The following KCNN2 variants were observed in gnomAD, a reference collection of about 807,000 sequenced individuals.
KCNN2 encodes the protein small conductance calcium-activated potassium channel protein 2.
KCNN2 carries 24 observed loss-of-function variants against 55.5 expected under a neutral mutation model. The ratio of observed to expected loss-of-function variants is 0.43; its 90% confidence interval spans 0.31 to 0.61. KCNN2 has a LOEUF of 0.61. Ranked by LOEUF, KCNN2 falls within the 20% of genes least tolerant of loss-of-function variation. The pLI is 0.08. For missense variants in KCNN2, 754 were observed against 853.6 expected (o/e 0.88, Z 1.45); for synonymous variants, 431 against 336.1 (o/e 1.28, Z -3.09).
At chr5:114,327,045 G>A (rs971467776) in intron 2 of KCNN2, among the ~76,000 whole-genome samples, 4 of 152,186 alleles carry the variant, frequency 2.6e-5, no homozygotes, top group Non-Finnish European at 5.9e-5. Context: ...ACACACAGAC[G>A]TAAATGAGAG....
intron 1 of KCNN2, among the ~76,000 whole-genome samples, chr5:114,147,657 G>A (rs866481538): frequency 6.6e-6 from 1 of 152,186 alleles, no homozygotes; most frequent in African/African-American, 2.4e-5. Flanking sequence ...AGTGAGGACT[G>A]TTTAGATCTG....
chr5:114,425,946 G>GAGGT lies in KCNN2; in HGVS notation c.1637+21091_1637+21094dup, dbSNP rs1759610264. Among the ~76,000 whole-genome samples, 10 of 151,896 alleles carry GAGGT rather than the reference G, an allele frequency of 6.6e-5. No homozygotes were observed. The South Asian group carries it at 2.1e-3, about 32-fold the overall frequency. On this transcript the variant is annotated intron_variant, in intron 3 of 7. Coordinates refer to ENST00000673685, the MANE Select transcript of KCNN2 (RefSeq NM_021614.4). Reference sequence around the variant, plus strand: ...TGCAATCCTAGCACTTTGTGAGGCCGAGGTGGGTGAATGACTTGAGCTTAG... The same window carrying GAGGT: ...TGCAATCCTAGCACTTTGTGAGGCCGAGGTAGGTGGGTGAATGACTTGAGCTTAG...
intron 1 of KCNN2, among the ~76,000 whole-genome samples, chr5:114,130,933 A>G (rs1216518853): frequency 6.6e-6 from 1 of 152,190 alleles, no homozygotes; most frequent in Non-Finnish European, 1.5e-5. Flanking sequence ...AGCTCAGAGA[A>G]TTTGGCCTGA....
At chr5:114,280,525 C>G (rs1580689257) in intron 2 of KCNN2, among the ~76,000 whole-genome samples, 4 of 152,124 alleles carry the variant, frequency 2.6e-5, no homozygotes, top group Admixed American at 1.3e-4. Context: ...ATATGGCTAG[C>G]CAGTTTTCCC....
chr5:114,109,591 A>T (rs574685652), intron 1 of KCNN2, among the ~76,000 whole-genome samples: 46 of 152,160 alleles, frequency 3.0e-4, no homozygotes, highest in African/African-American at 1.1e-3. Flanking sequence ...TAATGACACA[A>T]CCGAATATGA....
At chr5:114,075,378 A>G (rs114389685) in intron 1 of KCNN2, among the ~76,000 whole-genome samples, 4,029 of 152,318 alleles carry the variant, frequency 0.026, 182 homozygotes, top group African/African-American at 0.091. Context: ...GGAATCCGAA[A>G]GGTTAAATGA....
At chr5:114,272,822 T>C (rs1467375166) in intron 2 of KCNN2, among the ~76,000 whole-genome samples, 1 of 152,202 alleles carries the variant, frequency 6.6e-6, no homozygotes, top group Non-Finnish European at 1.5e-5. Context: ...TAGTTAGGCA[T>C]CATATCAACT....
At chr5:114,097,264 A>G (rs1751277098) in intron 1 of KCNN2, among the ~76,000 whole-genome samples, 1 of 152,164 alleles carries the variant, frequency 6.6e-6, no homozygotes, top group Non-Finnish European at 1.5e-5. Flanking sequence ...TTGGGGAGGT[A>G]TTTCCCACAG....
intron 3 of KCNN2, among the ~76,000 whole-genome samples, chr5:114,433,361 G>A (rs1489131959): frequency 6.6e-5 from 10 of 152,122 alleles, no homozygotes. Context: ...GTCTAATCTG[G>A]TGGGGACGTG....
upstream of KCNN2, among the ~76,000 whole-genome samples, chr5:114,361,669 G>C (rs1561585547): frequency 6.6e-6 from 1 of 152,172 alleles, no homozygotes; most frequent in Non-Finnish European, 1.5e-5. Context: ...GTGGCCCGAC[G>C]TGCTGCAGTG....
chr5:114,168,041 T>C (rs1248364057), intron 1 of KCNN2, among the ~76,000 whole-genome samples: 1 of 152,122 alleles, frequency 6.6e-6, no homozygotes, highest in Non-Finnish European at 1.5e-5. Context: ...TATACCATTG[T>C]ATAGCTAGTT....
At chr5:114,227,961 T>C (rs191626726) in intron 2 of KCNN2, among the ~76,000 whole-genome samples, 11 of 152,144 alleles carry the variant, frequency 7.2e-5, no homozygotes, top group Non-Finnish European at 1.6e-4. Flanking sequence ...TTTGAGTGCC[T>C]ACTGTGTGCC....
intron 2 of KCNN2, among the ~76,000 whole-genome samples, chr5:114,343,055 T>G (rs1757045068): frequency 6.6e-6 from 1 of 152,214 alleles, no homozygotes; most frequent in African/African-American, 2.4e-5. Flanking sequence ...ATAAATACAC[T>G]GTTAGTTTCT....
intron 1 of KCNN2, among the ~76,000 whole-genome samples, chr5:114,113,520 CA>C (rs948404123): frequency 6.6e-6 from 1 of 151,840 alleles, no homozygotes; most frequent in African/African-American, 2.4e-5. Flanking sequence ...GGAGAAAAGG[CA>C]AAAAAATTTT....
chr5:114,313,389 C>T (rs770572526), intron 2 of KCNN2, among the ~76,000 whole-genome samples: 2 of 152,104 alleles, frequency 1.3e-5, no homozygotes, highest in Non-Finnish European at 2.9e-5. Flanking sequence ...AAGCTTAAGT[C>T]ATTTGTATGT....
At chr5:114,181,622 G>A (rs979478450) in intron 1 of KCNN2, among the ~76,000 whole-genome samples, 10 of 152,038 alleles carry the variant, frequency 6.6e-5, no homozygotes, top group Admixed American at 3.3e-4. Flanking sequence ...TTTTGTGATT[G>A]TTGTTTTCTG....
intron 4 of KCNN2, among the ~76,000 whole-genome samples, chr5:114,465,774 A>G (rs1761417433): frequency 6.6e-6 from 1 of 152,222 alleles, no homozygotes; most frequent in Non-Finnish European, 1.5e-5. Flanking sequence ...CCTCTCCTTC[A>G]TAAGGATCAG....
chr5:114,332,525 C>T (rs1431049873), intron 2 of KCNN2, among the ~76,000 whole-genome samples: 1 of 152,166 alleles, frequency 6.6e-6, no homozygotes, highest in Non-Finnish European at 1.5e-5. Flanking sequence ...TTAACTATCA[C>T]AGTAAAGCTT....
intron 1 of KCNN2, among the ~76,000 whole-genome samples, chr5:114,158,151 T>A (rs1429004518): frequency 1.3e-5 from 2 of 152,056 alleles, no homozygotes; most frequent in African/African-American, 2.4e-5. Context: ...AACATGTAAG[T>A]CTTTAATCCA....
Sources: gnomAD v4.1 joint callset for allele counts (sites outside exome capture counted in the v4.1 genomes callset) on GRCh38, gnomAD v4.1.1 for gene constraint, MANE v1.5 for transcripts, NCBI Gene and HGNC (gene_info 2026-07-23, HGNC 2026-07-21) for gene names.